GALNT10: variants seen among roughly 807,000 people sequenced by gnomAD.
GALNT10 encodes polypeptide N-acetylgalactosaminyltransferase 10.
In GALNT10, 41 loss-of-function variants were observed where a neutral mutation model predicts 75.0. The observed-to-expected ratio is 0.55, with a 90% CI of 0.43 to 0.71. The LOEUF (loss-of-function observed/expected upper bound fraction) is 0.71. GALNT10 is among the 30% of genes least tolerant of loss of function. The pLI, the probability that GALNT10 is intolerant of heterozygous loss-of-function variation, is 0.00. For missense variants in GALNT10, 727 were observed against 818.5 expected (o/e 0.89, Z 1.36); for synonymous variants, 302 against 313.0 (o/e 0.96, Z 0.37).
At position 154,338,422 on chromosome 5, in the gene GALNT10, C is replaced by T. The variant is rs74680955; in HGVS notation, c.568+8684C>T. 1.8e-4 allele frequency: 67 copies of T among 381,192 alleles called. No individual in the cohort carries two copies. In the East Asian group the frequency reaches 3.3e-3, roughly 19 times the overall value. 23.6% of individuals were successfully genotyped at this position (381,192 alleles called of 1,614,324 possible). On this transcript the variant is annotated intron_variant, in intron 4 of 11. Coordinates refer to ENST00000297107, the MANE Select transcript of GALNT10 (RefSeq NM_198321.4). ...CCAATGAAAAGTGTCCTCAGCTGCTCGGGCTCTTTAGCAGACTCTGACTTA... is the reference window on the plus strand; with the variant it reads ...CCAATGAAAAGTGTCCTCAGCTGCTTGGGCTCTTTAGCAGACTCTGACTTA...
chr5:154,191,053 G>T, intron 1 of GALNT10, 28 bp downstream of exon 1: 1 of 1,371,692 alleles, frequency 7.3e-7, no homozygotes, highest in Non-Finnish European at 9.5e-7. Flanking sequence ...TACAGGCCGG[G>T]AACACCCCCT....
intron 1 of GALNT10, among the ~76,000 whole-genome samples, chr5:154,252,791 A>T (rs1054104654): frequency 6.6e-6 from 1 of 151,512 alleles, no homozygotes; most frequent in Admixed American, 6.6e-5. Context: ...TTTTTTCCTT[A>T]TTACCTTGTT....
intron 1 of GALNT10, among the ~76,000 whole-genome samples, chr5:154,197,692 T>C (rs1774967447): frequency 6.6e-6 from 1 of 152,208 alleles, no homozygotes. Flanking sequence ...AGAATGATGA[T>C]GATATGGCTG....
In GALNT10 at chr5:154,376,562, C is replaced by G; in HGVS notation, c.754+100C>G. The G allele has an allele frequency of 2.5e-6, 2 of 786,448 alleles. No individual in the cohort carries two copies. Among genetic ancestry groups the G allele is most frequent in the Non-Finnish European group, 4.0e-6 (2 of 498,856 alleles). The allele number at this position is 786,448 out of a possible 1,614,324, so 48.7% of individuals were successfully genotyped here. On this transcript the variant is annotated intron_variant, in intron 5 of 11. Transcript: ENST00000297107. The surrounding 1 kb of genome is among the most constrained non-coding windows in gnomAD (Gnocchi z 4.1). ...GAGCCATCCATAAGCCTTCCCTTGC[C>G]TGTTCGAGATGCCCCCAGCACAATG...
intron 4 of GALNT10, among the ~76,000 whole-genome samples, chr5:154,336,507 G>A (rs887356562): frequency 6.6e-6 from 1 of 152,212 alleles, no homozygotes; most frequent in African/African-American, 2.4e-5. Flanking sequence ...GATATTGTCA[G>A]TGTTTTGGAT....
chr5:154,200,991 TG>T (rs777483912), intron 1 of GALNT10, among the ~76,000 whole-genome samples: 16 of 152,198 alleles, frequency 1.1e-4, no homozygotes, highest in South Asian at 2.1e-4. Context: ...TTTTTGTTTT[TG>T]TTTTTTTGTT....
chr5:154,318,420 G>A (rs890492348), intron 3 of GALNT10, among the ~76,000 whole-genome samples: 1 of 145,776 alleles, frequency 6.9e-6, no homozygotes, highest in African/African-American at 2.5e-5. Flanking sequence ...TAATAGGATT[G>A]ATAAATTATC....
chr5:154,288,911 A>G (rs1382334181), intron 1 of GALNT10, among the ~76,000 whole-genome samples: 1 of 152,150 alleles, frequency 6.6e-6, no homozygotes, highest in Non-Finnish European at 1.5e-5. Context: ...TGCCACTATT[A>G]ACTAAGACTT....
At chr5:154,283,516 A>G (rs1174749530) in intron 1 of GALNT10, among the ~76,000 whole-genome samples, 1 of 152,140 alleles carries the variant, frequency 6.6e-6, no homozygotes. Context: ...GTGAGGTGGG[A>G]TAGGTAAGGG....
At chr5:154,260,918 C>T (rs1753690124) in intron 1 of GALNT10, among the ~76,000 whole-genome samples, 1 of 152,160 alleles carries the variant, frequency 6.6e-6, no homozygotes, top group Non-Finnish European at 1.5e-5. Flanking sequence ...TGCAGTGTCA[C>T]GTTAAAGGGA....
intron 1 of GALNT10, among the ~76,000 whole-genome samples, chr5:154,280,523 A>G (rs1301776509): frequency 2.0e-5 from 3 of 152,348 alleles, no homozygotes; most frequent in Admixed American, 6.5e-5. Context: ...TTTGTACCCT[A>G]TAAGTATGTA....
intron 4 of GALNT10, among the ~76,000 whole-genome samples, chr5:154,359,743 G>C (rs918170315): frequency 4.6e-5 from 7 of 151,220 alleles, no homozygotes; most frequent in African/African-American, 1.7e-4. Context: ...GGCCTGTCTA[G>C]TTTGTGTTAT....
chr5:154,248,741 T>C (rs967644984), intron 1 of GALNT10, among the ~76,000 whole-genome samples: 3 of 152,274 alleles, frequency 2.0e-5, no homozygotes, highest in African/African-American at 7.2e-5. Flanking sequence ...ATCAATTTTG[T>C]TGATCTTTTC....
At position 154,420,649 on chromosome 5, in the gene GALNT10, G is replaced by C. The variant is rs1178832162; in HGVS notation, c.*3677G>C. 1 of 152,202 alleles carries C rather than the reference G, an allele frequency of 6.6e-6. No individual in the cohort carries two copies. Among genetic ancestry groups the C allele is most frequent in the Non-Finnish European group, 1.5e-5 (1 of 68,048 alleles). 9.4% of individuals were successfully genotyped at this position (152,202 alleles called of 1,614,324 possible). ...AATATTTTAGTTCAAACTTGATCTT[G>C]AGCCAAGGCCCACTGCCACCTCTGG... is the stretch of plus-strand genomic sequence containing the variant. On this transcript the variant is annotated 3_prime_UTR_variant, in exon 12 of 12. Coordinates refer to ENST00000297107, the MANE Select transcript of GALNT10 (RefSeq NM_198321.4).
intron 4 of GALNT10, among the ~76,000 whole-genome samples, chr5:154,368,037 G>A (rs538895997): frequency 2.3e-4 from 35 of 152,334 alleles, no homozygotes; most frequent in African/African-American, 8.2e-4. Flanking sequence ...TCACACCAGT[G>A]ATCTGATCCT....
Position 154,418,988 on chromosome 5 carries a change from T to C in GALNT10, c.*2016T>C, listed in dbSNP as rs1756576465. 6.6e-6 allele frequency: 1 copy of C among 152,488 alleles called. No homozygotes were observed. The highest frequency in any genetic ancestry group is 6.5e-5 in the Admixed American group (1 of 15,268). The allele number at this position is 152,488 out of a possible 1,614,324, so 9.4% of individuals were successfully genotyped here. A position where few individuals can be genotyped will look rare whatever the true frequency, so the allele number is the denominator to read the frequency against. ...GCGTCGTTAAAATAAAAACTGTGCC[T>C]TTTAAAAAGAAAAATGCAAATATAG... is the stretch of plus-strand genomic sequence containing the variant. On this transcript the variant is annotated 3_prime_UTR_variant, in exon 12 of 12. Coordinates refer to ENST00000297107, the MANE Select transcript of GALNT10 (RefSeq NM_198321.4).
intron 4 of GALNT10, among the ~76,000 whole-genome samples, chr5:154,372,222 G>A (rs1255136612): frequency 6.6e-6 from 1 of 152,140 alleles, no homozygotes; most frequent in African/African-American, 2.4e-5. Context: ...GCAAAATGAG[G>A]GTACTAATTA....
chr5:154,284,502 C>T (rs1361523704), intron 1 of GALNT10, among the ~76,000 whole-genome samples: 1 of 152,182 alleles, frequency 6.6e-6, no homozygotes, highest in African/African-American at 2.4e-5. Flanking sequence ...TAGGAACTTG[C>T]CTTCTGATGA....
intron 1 of GALNT10, among the ~76,000 whole-genome samples, chr5:154,227,101 G>A (rs1753074847): frequency 6.7e-6 from 1 of 149,348 alleles, no homozygotes; most frequent in Non-Finnish European, 1.5e-5. Flanking sequence ...CCTGTTGATG[G>A]ACATGTGGGT....
Sources: gnomAD v4.1 joint callset for allele counts (sites outside exome capture counted in the v4.1 genomes callset) on GRCh38, gnomAD v4.1.1 for gene constraint, Gnocchi (gnomAD v3.1) non-coding constraint, MANE v1.5 for transcripts, NCBI Gene and HGNC (gene_info 2026-07-23, HGNC 2026-07-21) for gene names.